Variants in IL19 observed in about 807,000 individuals in gnomAD.
IL19 encodes the protein interleukin-19.
Under a neutral mutation model 19.5 loss-of-function variants are expected in IL19, and 15 were observed. That is an observed-to-expected ratio of 0.77 (90% confidence interval 0.52 to 1.19). The LOEUF is 1.19. Among genes scored for constraint, IL19 ranks in the 50% most tolerant of loss-of-function variants. The probability of loss-of-function intolerance (pLI) is 0.00; values close to 1 mark genes in which losing one functional copy is unlikely to be tolerated. For synonymous variants in IL19, 78 were observed against 78.3 expected (o/e 1.00, Z 0.02); for missense variants, 199 against 213.1 (o/e 0.93, Z 0.41).
At chr1:206,806,668 C>G (rs1675853925) in intron 2 of IL19, among the ~76,000 whole-genome samples, 1 of 152,158 alleles carries the variant, frequency 6.6e-6, no homozygotes, top group Admixed American at 6.5e-5. Flanking sequence ...AGAGTTGGTA[C>G]AAATTATCAC....
chr1:206,810,112 T>A (rs979927722), intron 2 of IL19, among the ~76,000 whole-genome samples: 3 of 152,222 alleles, frequency 2.0e-5, no homozygotes, highest in Non-Finnish European at 4.4e-5. Flanking sequence ...CTAAAAGAAG[T>A]GCAAGACTTT....
rs1676016460 is a variant in IL19, at chr1:206,811,679, G to A, written c.-3+12673G>A. On this transcript the variant is annotated intron_variant, in intron 2 of 6. Transcript: ENST00000659997. ...GGACTATGCATGGATTTAACAACAT[G>A]GACTTACCCTAGTCAAGGCTTTTTT... Among the ~76,000 whole-genome samples, 4 of 152,048 alleles carry A rather than the reference G, an allele frequency of 2.6e-5. No individual in the cohort carries two copies. In the South Asian group the frequency reaches 8.3e-4, roughly 32 times the overall value.
intron 1 of IL19, among the ~76,000 whole-genome samples, chr1:206,771,725 AC>A (rs1373929590): frequency 6.6e-6 from 1 of 152,192 alleles, no homozygotes; most frequent in Non-Finnish European, 1.5e-5. Context: ...ACCTATGTCA[AC>A]CCTTCGGGGC....
chr1:206,800,921 C>T (rs747670650), intron 2 of IL19, among the ~76,000 whole-genome samples: 26 of 152,180 alleles, frequency 1.7e-4, no homozygotes, highest in Non-Finnish European at 3.1e-4. Flanking sequence ...GACCAACCAC[C>T]TCTGGCCAGA....
chr1:206,836,930 ATGTC>A (rs1676815895), intron 3 of IL19, 24 bp from the exon 4 acceptor site: 1 of 1,608,876 alleles, frequency 6.2e-7, no homozygotes, highest in East Asian at 2.2e-5. Context: ...CCGATTGCTT[ATGTC>A]TGTTCTTATG....
In IL19 at chr1:206,798,906, G is replaced by A; in HGVS notation, c.-103G>A. 1.9e-6 allele frequency: 3 copies of A among 1,612,528 alleles called. No individual in the cohort carries two copies. Among genetic ancestry groups the A allele is most frequent in the Non-Finnish European group, 2.5e-6 (3 of 1,179,488 alleles). On this transcript the variant is annotated 5_prime_UTR_variant, in exon 2 of 7. Transcript: ENST00000659997. ...ACAGGAGTCCAAGAATGTGCACTGA[G>A]GGAGCGTTTCCGCACAGATCTGCGT...
At chr1:206,778,324 AG>A (rs1216778937) in intron 1 of IL19, among the ~76,000 whole-genome samples, 1 of 152,206 alleles carries the variant, frequency 6.6e-6, no homozygotes. Context: ...TTGGCTTATC[AG>A]GGACCAGGAC....
chr1:206,774,766 G>A (rs1049426701), intron 1 of IL19, among the ~76,000 whole-genome samples: 1 of 152,118 alleles, frequency 6.6e-6, no homozygotes, highest in African/African-American at 2.4e-5. Flanking sequence ...GCCCTTGGAA[G>A]GTATCAGCTA....
chr1:206,819,465 T>C (rs1467652665), intron 2 of IL19, among the ~76,000 whole-genome samples: 1 of 151,912 alleles, frequency 6.6e-6, no homozygotes, highest in East Asian at 1.9e-4. Flanking sequence ...GTGCCTGTAG[T>C]TCTAGCTACT....
intron 2 of IL19, chr1:206,829,017 T>A (rs1269061125): frequency 6.7e-6 from 1 of 149,984 alleles, no homozygotes; most frequent in Non-Finnish European, 1.5e-5. Flanking sequence ...GCAGCTTTTT[T>A]TTTTTTTTTT....
intron 2 of IL19, among the ~76,000 whole-genome samples, chr1:206,831,266 A>T (rs541289860): frequency 6.6e-6 from 1 of 152,298 alleles, no homozygotes; most frequent in Admixed American, 6.5e-5. Context: ...AACTCAAAGC[A>T]TTCTCCATTC....
intron 1 of IL19, among the ~76,000 whole-genome samples, chr1:206,788,670 C>T (rs555442251): frequency 6.6e-6 from 1 of 152,276 alleles, no homozygotes; most frequent in African/African-American, 2.4e-5. Flanking sequence ...CCCCTCACTG[C>T]CCCAGGACCA....
Position 206,839,994 on chromosome 1 carries a change from C to T in IL19, c.355C>T (p.Arg119Trp), listed in dbSNP as rs753591170. The change falls in exon 5 of 7, where the codon CGG becomes TGG. Residue 119 changes from arginine to tryptophan, a missense_variant. Physicochemically the swap from Arg to Trp is moderately radical, Grantham distance 101 (BLOSUM62 -3). Transcript: ENST00000659997. ...NSFLYMQKTL[R>W]QCQEQRQCHC... ...TTTCCTCTACATGCAGAAAACTCTG[C>T]GGCAATGTGTGAGTCACTGGGTCAG... 30 of 1,614,068 alleles carry T rather than the reference C, an allele frequency of 1.9e-5. No individual in the cohort carries two copies. The highest frequency in any genetic ancestry group is 8.3e-5 in the Admixed American group (5 of 60,002).
chr1:206,813,852 G>A (rs1032820061), intron 2 of IL19, among the ~76,000 whole-genome samples: 1 of 152,078 alleles, frequency 6.6e-6, no homozygotes, highest in South Asian at 2.1e-4. Context: ...TAGGGTGGGC[G>A]GGCCTCATTC....
At chr1:206,802,000 G>A (rs1467765584) in intron 2 of IL19, among the ~76,000 whole-genome samples, 1 of 152,190 alleles carries the variant, frequency 6.6e-6, no homozygotes, top group Non-Finnish European at 1.5e-5. Flanking sequence ...CACCTCCATA[G>A]AAAGGCATGG....
At chr1:206,790,159 GT>G (rs1216220153) in intron 1 of IL19, among the ~76,000 whole-genome samples, 1 of 152,196 alleles carries the variant, frequency 6.6e-6, no homozygotes. Flanking sequence ...TACCAGCAGT[GT>G]ATAAGCGTTC....
intron 2 of IL19, among the ~76,000 whole-genome samples, chr1:206,824,430 AATAGAGGAAAAC>A (rs1434346369): frequency 6.6e-6 from 1 of 152,204 alleles, no homozygotes; most frequent in East Asian, 1.9e-4. Context: ...GTATTGGTGG[AATAGAGGAAAAC>A]ATAGACTCTC....
intron 1 of IL19, among the ~76,000 whole-genome samples, chr1:206,783,708 TG>T (rs1675198800): frequency 6.6e-6 from 1 of 152,214 alleles, no homozygotes; most frequent in East Asian, 1.9e-4. Flanking sequence ...GCTCTGTCTT[TG>T]GGCTTGTCTT....
chr1:206,828,254 C>A (rs190400172), intron 2 of IL19, among the ~76,000 whole-genome samples: 2 of 151,728 alleles, frequency 1.3e-5, no homozygotes, highest in Non-Finnish European at 2.9e-5. Context: ...TCAGAGATAA[C>A]GTCAATGAGC....
Sources: gnomAD v4.1 joint callset for allele counts (sites outside exome capture counted in the v4.1 genomes callset) on GRCh38, gnomAD v4.1.1 for gene constraint, MANE v1.5 for transcripts, NCBI Gene and HGNC (gene_info 2026-07-23, HGNC 2026-07-21) for gene names.